Variants in SMARCC1 observed in about 807,000 individuals in gnomAD.
SMARCC1 encodes SWI/SNF complex subunit SMARCC1.
A neutral mutation model predicts 147.4 loss-of-function variants in SMARCC1; 43 were observed. That is an observed-to-expected ratio of 0.29 (90% CI 0.23 to 0.38). The LOEUF (loss-of-function observed/expected upper bound fraction) is 0.38, where lower values mean the gene tolerates loss of function less well. Among genes scored for constraint, SMARCC1 ranks in the 10% least tolerant of loss-of-function variants. The pLI is 1.00. For synonymous variants in SMARCC1, 495 were observed against 484.4 expected (o/e 1.02, Z -0.29); for missense variants, 1,119 against 1,381.1 (o/e 0.81, Z 3.01).
chr3:47,683,197 C>T (rs1324691900), intron 14 of SMARCC1, among the ~76,000 whole-genome samples: 2 of 152,110 alleles, frequency 1.3e-5, no homozygotes, highest in Non-Finnish European at 2.9e-5. Context: ...CGCCCGCCAC[C>T]ACGCCCGGCT....
At chr3:47,656,348 T>C (rs2033261468) in intron 21 of SMARCC1, among the ~76,000 whole-genome samples, 1 of 152,214 alleles carries the variant, frequency 6.6e-6, no homozygotes, top group Non-Finnish European at 1.5e-5. Flanking sequence ...CAAAAATGTC[T>C]CCTTTCTAAC....
rs146336326 is a variant in SMARCC1 at position 47,622,332 on chromosome 3, C to A, written c.2656G>T (p.Ala886Ser). ...SAATKAKHLA[A>S]VEERKIKSLV... Reference sequence around the variant, plus strand: ...GACTTGATCTTTCTTTCTTCCACTGCAGCCAGGTGCTAAGGGTACAAGATC... The same window carrying A: ...GACTTGATCTTTCTTTCTTCCACTGAAGCCAGGTGCTAAGGGTACAAGATC... The change falls in exon 25 of 28, where the codon GCA (alanine) becomes TCA (serine). Residue 886 changes from alanine (A) to serine (S), a missense_variant. Coordinates refer to ENST00000254480, the MANE Select transcript of SMARCC1 (RefSeq NM_003074.4). 1.5e-5 allele frequency: 24 copies of A among 1,613,636 alleles called. No individual in the cohort carries two copies. Among genetic ancestry groups the A allele is most frequent in the Non-Finnish European group, 2.0e-5 (24 of 1,179,840 alleles).
chr3:47,750,105 C>A (rs952652359), intron 2 of SMARCC1, among the ~76,000 whole-genome samples: 2 of 149,720 alleles, frequency 1.3e-5, no homozygotes, highest in Non-Finnish European at 3.0e-5. Flanking sequence ...AGAAAATGCA[C>A]GAGTCATTAT....
At chr3:47,766,017 G>A (rs968793943) in intron 2 of SMARCC1, among the ~76,000 whole-genome samples, 6 of 152,302 alleles carry the variant, frequency 3.9e-5, no homozygotes, top group Admixed American at 1.3e-4. Context: ...ACAGGCGTGA[G>A]CCACTGCCCC....
chr3:47,759,586 A>T (rs2034748507), intron 2 of SMARCC1, among the ~76,000 whole-genome samples: 1 of 133,150 alleles, frequency 7.5e-6, no homozygotes, highest in South Asian at 2.4e-4. Flanking sequence ...CCACCACTGC[A>T]CTCCAGTCTG....
chr3:47,708,829 G>A (rs2034049620), intron 9 of SMARCC1, among the ~76,000 whole-genome samples: 1 of 151,974 alleles, frequency 6.6e-6, no homozygotes. Context: ...TTGAAGAGAC[G>A]AGGTCTTGCT....
intron 10 of SMARCC1, 96 bp downstream of exon 10, chr3:47,706,313 C>A (rs1400779949): frequency 8.5e-7 from 1 of 1,179,782 alleles, no homozygotes; most frequent in Non-Finnish European, 1.1e-6. Context: ...CTCAGTTGAT[C>A]TGCCCACCTC....
chr3:47,653,325 G>A (rs1256768465), intron 21 of SMARCC1, among the ~76,000 whole-genome samples: 2 of 152,172 alleles, frequency 1.3e-5, no homozygotes, highest in Non-Finnish European at 2.9e-5. Flanking sequence ...TGAAATGTTA[G>A]ATAGGTTAAT....
At chr3:47,676,389 T>C (rs2033573983) in intron 17 of SMARCC1, among the ~76,000 whole-genome samples, 1 of 152,098 alleles carries the variant, frequency 6.6e-6, no homozygotes, top group South Asian at 2.1e-4. Context: ...AAAAGTAAAT[T>C]AATAATTTGA....
chr3:47,704,701 G>C (rs751333767), intron 10 of SMARCC1, among the ~76,000 whole-genome samples: 54 of 152,078 alleles, frequency 3.6e-4, no homozygotes, highest in Non-Finnish European at 6.8e-4. Flanking sequence ...AGAATTGCTT[G>C]AGACCAGGAG....
chr3:47,716,290 C>T (rs2034154440), intron 7 of SMARCC1, among the ~76,000 whole-genome samples: 1 of 151,514 alleles, frequency 6.6e-6, no homozygotes, highest in Non-Finnish European at 1.5e-5. Flanking sequence ...TTGTAGTGTG[C>T]ACCTGTAATC....
At chr3:47,776,055 G>A (rs1230228643) in intron 1 of SMARCC1, among the ~76,000 whole-genome samples, 1 of 152,026 alleles carries the variant, frequency 6.6e-6, no homozygotes, top group Non-Finnish European at 1.5e-5. Flanking sequence ...GGCTGAGGCA[G>A]GAGAATGGCT....
intron 26 of SMARCC1, among the ~76,000 whole-genome samples, chr3:47,599,987 A>G (rs986415941): frequency 6.6e-6 from 1 of 152,110 alleles, no homozygotes; most frequent in South Asian, 2.1e-4. Context: ...CCATTTACCT[A>G]TTACCCTACA....
At chr3:47,732,841 G>C (rs1331233061) in intron 5 of SMARCC1, among the ~76,000 whole-genome samples, 2 of 152,130 alleles carry the variant, frequency 1.3e-5, no homozygotes, top group Admixed American at 1.3e-4. Context: ...CAGGCGCGGT[G>C]GCTCACACCT....
intron 3 of SMARCC1, 62 bp from the exon 4 acceptor site, chr3:47,738,172 G>T: frequency 1.7e-6 from 2 of 1,143,160 alleles, no homozygotes; most frequent in Non-Finnish European, 2.5e-6. Context: ...TGAAAACTTG[G>T]TTTTAGAATT....
chr3:47,633,946 A>G (rs1559630618), intron 24 of SMARCC1, among the ~76,000 whole-genome samples: 1 of 151,990 alleles, frequency 6.6e-6, no homozygotes, highest in South Asian at 2.1e-4. Flanking sequence ...CCAGGGTAGC[A>G]GAAGACAGAC....
chr3:47,767,189 GAAAAAAAAAAA>G (rs375076788), intron 2 of SMARCC1, among the ~76,000 whole-genome samples: 6 of 80,176 alleles, frequency 7.5e-5, no homozygotes, highest in East Asian at 4.7e-4. Context: ...TCTCCAAAAA[GAAAAAAAAAAA>G]AAAAAAAAAA....
intron 21 of SMARCC1, among the ~76,000 whole-genome samples, chr3:47,652,648 C>A (rs1006054763): frequency 6.8e-6 from 1 of 146,838 alleles, no homozygotes; most frequent in Non-Finnish European, 1.5e-5. Flanking sequence ...AAAGTTACTT[C>A]CTCCAAAGGA....
intron 26 of SMARCC1, among the ~76,000 whole-genome samples, chr3:47,597,338 T>A (rs1201777786): frequency 6.6e-6 from 1 of 152,044 alleles, no homozygotes; most frequent in Admixed American, 6.6e-5. Flanking sequence ...TTATTTATTT[T>A]ATTTTTTATT....
Sources: gnomAD v4.1 joint callset for allele counts (sites outside exome capture counted in the v4.1 genomes callset) on GRCh38, gnomAD v4.1.1 for gene constraint, MANE v1.5 for transcripts, NCBI Gene and HGNC (gene_info 2026-07-23, HGNC 2026-07-21) for gene names.